Variants in MTHFD1L observed in about 807,000 individuals in gnomAD.
MTHFD1L encodes the protein monofunctional C1-tetrahydrofolate synthase, mitochondrial.
In MTHFD1L, 81 loss-of-function variants were observed where a neutral mutation model predicts 119.5. That is an observed-to-expected ratio of 0.68 (90% confidence interval 0.57 to 0.82). The LOEUF is 0.82. Among genes scored for constraint, MTHFD1L ranks in the 40% least tolerant of loss-of-function variants. The probability of loss-of-function intolerance (pLI) is 0.00; values close to 1 mark genes in which losing one functional copy is unlikely to be tolerated. For missense variants in MTHFD1L, 1,125 were observed against 1,253.4 expected (o/e 0.90, Z 1.55); for synonymous variants, 430 against 475.2 (o/e 0.90, Z 1.24).
chr6:150,944,052 A>G (rs887380486), intron 13 of MTHFD1L, among the ~76,000 whole-genome samples: 1 of 152,190 alleles, frequency 6.6e-6, no homozygotes, highest in African/African-American at 2.4e-5. Flanking sequence ...GATCTGAGTA[A>G]TTGCTCAAAG....
chr6:150,892,231 T>C (rs746777335), intron 7 of MTHFD1L, among the ~76,000 whole-genome samples: 5 of 152,264 alleles, frequency 3.3e-5, no homozygotes, highest in Non-Finnish European at 4.4e-5. Flanking sequence ...AATACCTTCC[T>C]TGGCAATTGA....
At chr6:150,925,142 G>C (rs1328104691) in intron 10 of MTHFD1L, among the ~76,000 whole-genome samples, 1 of 152,138 alleles carries the variant, frequency 6.6e-6, no homozygotes, top group East Asian at 1.9e-4. Context: ...AGTCCACTGA[G>C]GGGGTTGATC....
intron 20 of MTHFD1L, among the ~76,000 whole-genome samples, chr6:150,990,000 C>CG (rs1562502626): frequency 6.6e-6 from 1 of 152,134 alleles, no homozygotes; most frequent in East Asian, 1.9e-4. Context: ...TTTTCAAGGC[C>CG]GGGCGCAGTG....
rs146407718 is a variant in MTHFD1L at position 150,948,806 on chromosome 6, A to G, written c.1624-225A>G. Among the ~76,000 whole-genome samples, 829 of 141,540 alleles carry G rather than the reference A, an allele frequency of 5.9e-3. 50 individuals are homozygous for G. The highest frequency in any genetic ancestry group is 0.02 in the Middle Eastern group (5 of 256). The allele number at this position is 141,540 out of a possible 152,430, so 92.9% of individuals were successfully genotyped here. A position where few individuals can be genotyped will look rare whatever the true frequency, so the allele number is the denominator to read the frequency against. On this transcript the variant is annotated intron_variant, in intron 15 of 27. Transcript: ENST00000367321. ...CAGGCATGCGCCACCATGCCCAGCT[A>G]ATTTTTGCATTTTTAGTAGAGATGG...
intron 8 of MTHFD1L, among the ~76,000 whole-genome samples, chr6:150,909,049 G>A (rs1056295105): frequency 6.6e-6 from 1 of 151,972 alleles, no homozygotes; most frequent in African/African-American, 2.4e-5. Context: ...ATGGGATGTT[G>A]TGATTTATGA....
chr6:150,989,601 T>G (rs1285195952), intron 20 of MTHFD1L, among the ~76,000 whole-genome samples: 1 of 152,232 alleles, frequency 6.6e-6, no homozygotes, highest in Non-Finnish European at 1.5e-5. Flanking sequence ...AGTTTTCTTT[T>G]TTTGTTAGCC....
intron 10 of MTHFD1L, 142 bp from the exon 11 acceptor site, chr6:150,925,980 T>C: frequency 1.6e-6 from 1 of 637,280 alleles, no homozygotes; most frequent in Non-Finnish European, 2.7e-6. Flanking sequence ...TTAGCAGTTG[T>C]GCTTATTACT....
intron 11 of MTHFD1L, among the ~76,000 whole-genome samples, chr6:150,930,636 T>C (rs1301547512): frequency 3.9e-5 from 6 of 152,046 alleles, no homozygotes; most frequent in Non-Finnish European, 8.8e-5. Flanking sequence ...CTGAACACTG[T>C]AACATAAATC....
chr6:150,992,943 C>T (rs1024676214), intron 20 of MTHFD1L, among the ~76,000 whole-genome samples: 9 of 152,200 alleles, frequency 5.9e-5, no homozygotes, highest in African/African-American at 2.2e-4. Context: ...TCATCACTCA[C>T]CCAGTGCTTC....
chr6:151,100,408 G>A (rs944279974), intron 27 of MTHFD1L, among the ~76,000 whole-genome samples: 1 of 152,080 alleles, frequency 6.6e-6, no homozygotes, highest in African/African-American at 2.4e-5. Flanking sequence ...GAAGCTCCTC[G>A]TTCCCTCTCT....
chr6:150,896,313 G>C (rs1320562343), intron 7 of MTHFD1L, among the ~76,000 whole-genome samples: 1 of 152,196 alleles, frequency 6.6e-6, no homozygotes, highest in East Asian at 1.9e-4. Flanking sequence ...AGCTGAAGTA[G>C]AGTGAATGCT....
chr6:151,003,902 G>C (rs1285944207), intron 20 of MTHFD1L, among the ~76,000 whole-genome samples: 2 of 151,360 alleles, frequency 1.3e-5, no homozygotes, highest in Admixed American at 6.6e-5. Context: ...GTGCACAGGA[G>C]AAAGTTAGAG....
At chr6:151,003,543 G>A (rs371077860) in intron 20 of MTHFD1L, among the ~76,000 whole-genome samples, 1 of 143,206 alleles carries the variant, frequency 7.0e-6, no homozygotes, top group Non-Finnish European at 1.5e-5. Context: ...CAAAAAAAAA[G>A]GGGGGAAAGG....
chr6:150,959,857 G>T (rs1160370763), intron 17 of MTHFD1L, among the ~76,000 whole-genome samples: 1 of 152,212 alleles, frequency 6.6e-6, no homozygotes, highest in Admixed American at 6.5e-5. Flanking sequence ...GGATTCAGAA[G>T]TGAACCTGCC....
Position 151,101,821 on chromosome 6 carries a change from C to T in MTHFD1L, c.*327C>T, listed in dbSNP as rs1795382177. ...ATTAGGAGTGTGAACTAAAAGGTAA[C>T]ATTTTCCACTCTCAAGTTTTCTACT... On this transcript the variant is annotated 3_prime_UTR_variant, in exon 28 of 28. Transcript: ENST00000367321. The T allele has an allele frequency of 6.6e-6, 1 of 152,214 alleles. No individual in the cohort carries two copies. Among genetic ancestry groups the T allele is most frequent in the Non-Finnish European group, 1.5e-5 (1 of 68,026 alleles). 9.4% of individuals were successfully genotyped at this position (152,214 alleles called of 1,614,324 possible).
intron 6 of MTHFD1L, among the ~76,000 whole-genome samples, chr6:150,886,122 G>A (rs1170111232): frequency 1.3e-5 from 2 of 152,174 alleles, no homozygotes; most frequent in Admixed American, 6.6e-5. Flanking sequence ...TGTAGCCTTA[G>A]ATAAGACTTA....
chr6:150,877,930 T>C, intron 4 of MTHFD1L, 104 bp downstream of exon 4: 1 of 1,360,426 alleles, frequency 7.4e-7, no homozygotes, highest in Non-Finnish European at 1.0e-6. Context: ...TAAGATTTGC[T>C]TGTGACTGAA....
At chr6:150,901,551 A>G (rs929185730) in intron 7 of MTHFD1L, among the ~76,000 whole-genome samples, 7 of 152,184 alleles carry the variant, frequency 4.6e-5, no homozygotes, top group Non-Finnish European at 8.8e-5. Flanking sequence ...CCATAAAGCC[A>G]CTTAACTGGG....
chr6:150,869,308 T>C (rs1381663216), intron 1 of MTHFD1L, among the ~76,000 whole-genome samples: 1 of 152,098 alleles, frequency 6.6e-6, no homozygotes, highest in African/African-American at 2.4e-5. Flanking sequence ...GTATTTGTCC[T>C]AATGCTCTCC....
Sources: gnomAD v4.1 joint callset for allele counts (sites outside exome capture counted in the v4.1 genomes callset) on GRCh38, gnomAD v4.1.1 for gene constraint, MANE v1.5 for transcripts, NCBI Gene and HGNC (gene_info 2026-07-23, HGNC 2026-07-21) for gene names.